The following SF3A3 variants were observed in gnomAD, a reference collection of about 807,000 sequenced individuals.
SF3A3 encodes the protein SAP 61.
SF3A3 carries 9 observed loss-of-function variants against 85.8 expected under a neutral mutation model. The ratio of observed to expected loss-of-function variants is 0.10; its 90% CI spans 0.06 to 0.18. The LOEUF (loss-of-function observed/expected upper bound fraction) is 0.18, where lower values mean the gene tolerates loss of function less well. SF3A3 is among the 10% of genes least tolerant of loss of function. The pLI is 1.00. For synonymous variants in SF3A3, 195 were observed against 204.4 expected, an observed-to-expected ratio of 0.95 and a Z score of 0.39; for missense variants, 306 against 593.3, an observed-to-expected ratio of 0.52 and a Z score of 5.03.
intron 8 of SF3A3, among the ~76,000 whole-genome samples, chr1:37,979,913 T>C (rs2148722242): frequency 6.6e-6 from 1 of 152,068 alleles, no homozygotes; most frequent in South Asian, 2.1e-4. Flanking sequence ...CCCCACCAGG[T>C]TTAGGATGAA....
At chr1:37,985,056 C>A (rs945579457) in intron 4 of SF3A3, among the ~76,000 whole-genome samples, 1 of 152,228 alleles carries the variant, frequency 6.6e-6, no homozygotes, top group African/African-American at 2.4e-5. Flanking sequence ...GATCTGCCCA[C>A]CTTGGCCTCC....
At chr1:37,969,304 T>G in intron 14 of SF3A3, 50 bp downstream of exon 14, 1 of 1,356,624 alleles carries the variant, frequency 7.4e-7, no homozygotes, top group Non-Finnish European at 1.1e-6. Flanking sequence ...TCTCTAAAAG[T>G]CTCATGTTTT....
In SF3A3 at chr1:37,968,060, A is replaced by G; in HGVS notation, c.1356T>C (p.Ile452=). ...NTAHFANVTQ[I]EDAVSLWAKL... ...CTTACTTACAGGAGACAGCATCTTC[A>G]ATCTGTGTCACATTAGCAAAGTGAG... Residue 452 remains isoleucine, a synonymous_variant, in exon 15 of 17, where the codon ATT becomes ATC. Transcript: ENST00000373019. The G allele has an allele frequency of 6.2e-7, 1 of 1,610,962 alleles. No individual in the cohort carries two copies.
chr1:37,977,655 A>G (rs368767851), intron 11 of SF3A3, among the ~76,000 whole-genome samples: 170 of 152,216 alleles, frequency 1.1e-3, no homozygotes, highest in African/African-American at 4.0e-3. Context: ...CCTGGCCAAC[A>G]TGGTGAAACC....
chr1:37,988,608 C>T (rs561050476), intron 2 of SF3A3, among the ~76,000 whole-genome samples: 26 of 152,224 alleles, frequency 1.7e-4, no homozygotes, highest in African/African-American at 6.3e-4. Flanking sequence ...GGGCTGAGGG[C>T]TTGTAATCTG....
chr1:37,963,337 G>A (rs951260621), intron 15 of SF3A3, among the ~76,000 whole-genome samples: 1 of 152,104 alleles, frequency 6.6e-6, no homozygotes, highest in African/African-American at 2.4e-5. Context: ...GAAGACAGGG[G>A]CTGGGTTCGG....
chr1:37,972,861 C>T (rs760577797), intron 12 of SF3A3, among the ~76,000 whole-genome samples: 8 of 152,164 alleles, frequency 5.3e-5, no homozygotes, highest in Admixed American at 1.3e-4. Flanking sequence ...ACACCCTATA[C>T]AAAAATTAAT....
chr1:37,960,047 C>T lies in SF3A3; in HGVS notation c.1428+73G>A, dbSNP rs374285284. 5 of 1,184,846 alleles carry T rather than the reference C, an allele frequency of 4.2e-6. No homozygotes were observed. In the African/African-American group the frequency reaches 7.5e-5, roughly 18 times the overall value. 73.4% of individuals were successfully genotyped at this position (1,184,846 alleles called of 1,614,324 possible). On this transcript the variant is annotated intron_variant, in intron 16 of 16. Coordinates refer to ENST00000373019, the MANE Select transcript of SF3A3 (RefSeq NM_006802.4). ...GCAGTACACCAGGGACCATCTTTCA[C>T]CTCCTTTCTACATGGTGAGGGAGCT... is the stretch of plus-strand genomic sequence containing the variant.
chr1:37,987,486 G>C, intron 4 of SF3A3, 87 bp downstream of exon 4: 1 of 946,124 alleles, frequency 1.1e-6, no homozygotes, highest in South Asian at 1.4e-5. Flanking sequence ...AAGTGCATTT[G>C]AATAGCACAT....
chr1:37,960,113 T>C lies in SF3A3; in HGVS notation c.1428+7A>G, dbSNP rs1478356677. On this transcript the variant is annotated splice_region_variant and intron_variant, in intron 16 of 16. Transcript: ENST00000373019. ...CTATCCCTAACACCATCCACATTAG[T>C]ACCCACCTCAGTGTCAGGCTGCCAT... is the stretch of plus-strand genomic sequence containing the variant. The C allele has an allele frequency of 2.5e-6, 4 of 1,613,096 alleles. No homozygotes were observed. The highest frequency in any genetic ancestry group is 2.7e-5 in the African/African-American group (2 of 74,900).
At chr1:37,961,186 T>G (rs1179850024) in intron 15 of SF3A3, among the ~76,000 whole-genome samples, 1 of 152,104 alleles carries the variant, frequency 6.6e-6, no homozygotes, top group African/African-American at 2.4e-5. Flanking sequence ...CTAAGATGGG[T>G]GAATGAATAG....
At position 37,969,456 on chromosome 1, in the gene SF3A3, G is replaced by A. The variant is rs868777335; in HGVS notation, c.1179C>T (p.Pro393=). The change falls in exon 14 of 17, where the codon CCC becomes CCT. Residue 393 remains proline (P), a synonymous_variant. Transcript: ENST00000373019. ...GGCCATGAAGCTTATACAGCCAGTA[G>A]GGAATAGGCTAAAAAAGAAAAAAAC... ...LPLGWDGKPI[P]YWLYKLHGLN... 6.2e-7 allele frequency: 1 copy of A among 1,613,148 alleles called. No individual in the cohort carries two copies. The highest frequency in any genetic ancestry group is 1.3e-5 in the African/African-American group (1 of 75,002).
chr1:37,974,050 G>T (rs1202965154), intron 12 of SF3A3, among the ~76,000 whole-genome samples: 1 of 152,070 alleles, frequency 6.6e-6, no homozygotes, highest in Non-Finnish European at 1.5e-5. Context: ...TTGGACACAG[G>T]GTGGGGAACA....
chr1:37,971,645 A>G (rs1027704274), intron 12 of SF3A3, among the ~76,000 whole-genome samples: 1 of 152,216 alleles, frequency 6.6e-6, no homozygotes, highest in African/African-American at 2.4e-5. Context: ...AGCACATCAA[A>G]AACTTATCCA....
chr1:37,963,948 A>G (rs369819609), intron 15 of SF3A3, among the ~76,000 whole-genome samples: 9 of 150,062 alleles, frequency 6.0e-5, no homozygotes, highest in Admixed American at 1.3e-4. Flanking sequence ...TTGGGAGGCC[A>G]AGGCGGGCAG....
intron 12 of SF3A3, among the ~76,000 whole-genome samples, chr1:37,975,515 C>CA (rs35993262): frequency 0.47 from 68,051 of 145,226 alleles, 15,710 homozygotes; most frequent in East Asian, 0.66. Flanking sequence ...GATACTATTT[C>CA]AAAAAAAAAA....
chr1:37,958,312 G>T, intron 16 of SF3A3, 49 bp from the exon 17 acceptor site: 1 of 1,317,188 alleles, frequency 7.6e-7, no homozygotes, highest in Non-Finnish European at 1.1e-6. Flanking sequence ...TAAAAGAAAT[G>T]TTTGGAACCA....
At chr1:37,985,044 G>A (rs1646446593) in intron 4 of SF3A3, among the ~76,000 whole-genome samples, 1 of 152,222 alleles carries the variant, frequency 6.6e-6, no homozygotes, top group Non-Finnish European at 1.5e-5. Context: ...CTAAGCTCAA[G>A]TGATCTGCCC....
intron 15 of SF3A3, among the ~76,000 whole-genome samples, chr1:37,961,781 A>C: frequency 7.2e-6 from 1 of 138,954 alleles, no homozygotes. Flanking sequence ...AAAAAAAAAA[A>C]AAGAAAGAAA....
Sources: allele counts gnomAD v4.1 joint callset (sites outside exome capture counted in the v4.1 genomes callset), GRCh38; gene constraint gnomAD v4.1.1; transcripts MANE v1.5; gene names NCBI Gene and HGNC (gene_info 2026-07-23, HGNC 2026-07-21).